NUP155: variants seen among roughly 807,000 people sequenced by gnomAD.
The protein encoded by NUP155 is nucleoporin 155, also known as nuclear pore complex protein Nup155.
In NUP155, 71 loss-of-function variants were observed where a neutral mutation model predicts 180.4. That is an observed-to-expected ratio of 0.39 (90% CI 0.33 to 0.48). The LOEUF is 0.48. NUP155 is among the 20% of genes least tolerant of loss of function. The probability of loss-of-function intolerance (pLI) is 0.91; values close to 1 mark genes in which losing one functional copy is unlikely to be tolerated. For synonymous variants in NUP155, 582 were observed against 559.5 expected (o/e 1.04, Z -0.57); for missense variants, 1,553 against 1,648.9 (o/e 0.94, Z 1.01).
At chr5:37,306,585 A>T (rs1743168214) in intron 25 of NUP155, among the ~76,000 whole-genome samples, 1 of 152,036 alleles carries the variant, frequency 6.6e-6, no homozygotes, top group Non-Finnish European at 1.5e-5. Flanking sequence ...CTCCTGCCTC[A>T]GCCTCCCAAG....
At chr5:37,370,555 G>C in intron 1 of NUP155, 2 of 934,620 alleles carry the variant, frequency 2.1e-6, no homozygotes, top group Non-Finnish European at 3.0e-6. Context: ...AGAGCGGCGA[G>C]AAGCTCATTA....
rs947311487 is a variant in NUP155, at chr5:37,290,646, T to C, written c.*1254A>G. ...TAACAGTTTTGCTTTATATATTGTG[T>C]GCCTTGGGCAAAATTTGTGTGTGTG... On this transcript the variant is annotated 3_prime_UTR_variant, in exon 35 of 35. Transcript: ENST00000231498. 4 of 152,224 alleles carry C rather than the reference T, an allele frequency of 2.6e-5. No homozygotes were observed. Among genetic ancestry groups the C allele is most frequent in the African/African-American group, 9.6e-5 (4 of 41,466 alleles). The allele number at this position is 152,224 out of a possible 1,614,324, so 9.4% of individuals were successfully genotyped here. A position where few individuals can be genotyped will look rare whatever the true frequency, so the allele number is the denominator to read the frequency against.
In NUP155 at chr5:37,329,504, T is replaced by C. The variant is rs147527550; in HGVS notation, c.1725-226A>G. On this transcript the variant is annotated intron_variant, in intron 15 of 34. Coordinates refer to ENST00000231498, the MANE Select transcript of NUP155 (RefSeq NM_153485.3). ...CAGGAAGAATTATAAGGGACTCTGA[T>C]AACTTCTAAGAAAAAGATATGCAAT... Among the ~76,000 whole-genome samples the C allele has an allele frequency of 1.5e-3, 232 of 152,348 alleles. 2 individuals are homozygous for C. Among genetic ancestry groups the C allele is most frequent in the Non-Finnish European group, 2.6e-3 (179 of 68,026 alleles).
At position 37,299,442 on chromosome 5, in the gene NUP155, A is replaced by G. The variant is rs1742749191; in HGVS notation, c.3682+6T>C. 4 of 1,613,922 alleles carry G rather than the reference A, an allele frequency of 2.5e-6. No homozygotes were observed. In the African/African-American group the frequency reaches 5.3e-5, roughly 22 times the overall value. On this transcript the variant is annotated splice_donor_region_variant and intron_variant, in intron 31 of 34. Transcript: ENST00000231498. ...TATGCTAACATACCTATAACTGAAC[A>G]CTTACCTTTCTCTATGATATCTTGC...
At chr5:37,362,040 G>C (rs1027582926) in intron 3 of NUP155, among the ~76,000 whole-genome samples, 2 of 152,128 alleles carry the variant, frequency 1.3e-5, no homozygotes, top group African/African-American at 2.4e-5. Context: ...ACCAGACCTT[G>C]ATCTTGGACT....
At chr5:37,360,678 C>T (rs766257682) in intron 3 of NUP155, among the ~76,000 whole-genome samples, 1 of 150,290 alleles carries the variant, frequency 6.7e-6, no homozygotes, top group African/African-American at 2.5e-5. Flanking sequence ...CCCAGTTACT[C>T]GGGAGGCTGA....
In NUP155 at chr5:37,291,673, T is replaced by C. The variant is rs747580368; in HGVS notation, c.*227A>G. 2 of 408,238 alleles carry C rather than the reference T, an allele frequency of 4.9e-6. No individual in the cohort carries two copies. The highest frequency in any genetic ancestry group is 8.8e-6 in the Non-Finnish European group (2 of 227,174). 25.3% of individuals were successfully genotyped at this position (408,238 alleles called of 1,614,324 possible). On this transcript the variant is annotated 3_prime_UTR_variant, in exon 35 of 35. Transcript: ENST00000231498. ...TTTTTTAATCCTTATGTTAAAATAA[T>C]AAATAATCTCATTTCAGTTGTTTTT...
intron 18 of NUP155, 54 bp downstream of exon 18, chr5:37,327,575 C>T: frequency 6.3e-7 from 1 of 1,593,666 alleles, no homozygotes; most frequent in Non-Finnish European, 8.6e-7. Flanking sequence ...AAATATTTAA[C>T]TACTCAAGAT....
intron 4 of NUP155, among the ~76,000 whole-genome samples, chr5:37,353,121 A>G (rs187728664): frequency 1.3e-5 from 2 of 151,896 alleles, no homozygotes; most frequent in East Asian, 3.9e-4. Context: ...TATATTACAA[A>G]ATAGTTTAAA....
At chr5:37,350,112 T>TC (rs752185975) in intron 7 of NUP155, 48 bp downstream of exon 7, 2 of 1,206,878 alleles carry the variant, frequency 1.7e-6, no homozygotes. Context: ...GAGGGAACAA[T>TC]GTGTTAGAAA....
In NUP155 at chr5:37,310,734, C is replaced by T; in HGVS notation, c.2446G>A (p.Glu816Lys). Residue 816 changes from glutamate to lysine, a missense_variant, in exon 23 of 35, where the codon GAG becomes AAG. Coordinates refer to ENST00000231498, the MANE Select transcript of NUP155 (RefSeq NM_153485.3). ...TTAAAGGTGGTGATCTTCAGCTGCT[C>T]TTGAAGTTCCTAGGAGCATAAAACT... ...IVAELQKELQ[E>K]QLKITTFKDL... 6.2e-7 allele frequency: 1 copy of T among 1,613,188 alleles called. No homozygotes were observed. The highest frequency in any genetic ancestry group is 1.1e-5 in the South Asian group (1 of 91,038).
At chr5:37,308,184 T>C (rs1278539961) in intron 24 of NUP155, among the ~76,000 whole-genome samples, 1 of 152,018 alleles carries the variant, frequency 6.6e-6, no homozygotes, top group Admixed American at 6.6e-5. Context: ...ATCTGAAAAA[T>C]AAATGTAATC....
At chr5:37,309,321 G>C (rs1743380529) in intron 23 of NUP155, 54 bp from the exon 24 acceptor site, 3 of 1,448,606 alleles carry the variant, frequency 2.1e-6, no homozygotes, top group Non-Finnish European at 2.9e-6. Flanking sequence ...GCAGACAGAT[G>C]ATGCTGTCAA....
chr5:37,368,209 CTTTTTTTTTTTTTT>C (rs58198308), intron 1 of NUP155, among the ~76,000 whole-genome samples: 2 of 52,830 alleles, frequency 3.8e-5, no homozygotes, highest in Non-Finnish European at 6.7e-5. Flanking sequence ...AGCGCCAGGC[CTTTTTTTTTTTTTT>C]TTTTTTTTTT....
intron 9 of NUP155, among the ~76,000 whole-genome samples, chr5:37,343,712 G>A (rs753200361): frequency 3.3e-5 from 5 of 152,000 alleles, no homozygotes; most frequent in Admixed American, 6.6e-5. Context: ...TCAACATGGT[G>A]AACCCCCGTC....
intron 9 of NUP155, among the ~76,000 whole-genome samples, chr5:37,344,265 C>T (rs1581189592): frequency 6.6e-6 from 1 of 150,406 alleles, no homozygotes; most frequent in African/African-American, 2.4e-5. Flanking sequence ...ATCACTGGAA[C>T]TCGGAGGCAG....
In NUP155 at chr5:37,333,529, A is replaced by G; in HGVS notation, c.1452T>C (p.Thr484=). 6.2e-7 allele frequency: 1 copy of G among 1,614,018 alleles called. No individual in the cohort carries two copies. The highest frequency in any genetic ancestry group is 2.2e-5 in the East Asian group (1 of 44,868). ...GCTGCTGTACAACAACTGGTGAATC[A>G]GTTATTGGAATATGATCCTTGTTTA... is the stretch of plus-strand genomic sequence containing the variant. ...TPLNKDHIPI[T]DSPVVVQQHM... Residue 484 remains threonine (T), a synonymous_variant, in exon 13 of 35, where the codon ACT becomes ACC. Coordinates refer to ENST00000231498, the MANE Select transcript of NUP155 (RefSeq NM_153485.3).
At chr5:37,299,808 G>A (rs192913005) in intron 30 of NUP155, among the ~76,000 whole-genome samples, 12 of 152,090 alleles carry the variant, frequency 7.9e-5, no homozygotes, top group Admixed American at 7.9e-4. Context: ...GCCAAGGTGG[G>A]CGGATCACGA....
chr5:37,366,778 A>G (rs921212328), intron 1 of NUP155, among the ~76,000 whole-genome samples: 1 of 151,856 alleles, frequency 6.6e-6, no homozygotes, highest in South Asian at 2.1e-4. Context: ...CAGCCTCCCA[A>G]GTAGCTGGGA....
Sources: allele counts gnomAD v4.1 joint callset (sites outside exome capture counted in the v4.1 genomes callset), GRCh38; gene constraint gnomAD v4.1.1; transcripts MANE v1.5; gene names NCBI Gene and HGNC (gene_info 2026-07-23, HGNC 2026-07-21).